The following ATG10 variants were observed in gnomAD, a reference collection of about 807,000 sequenced individuals.
The protein encoded by ATG10 is ubiquitin-like-conjugating enzyme ATG10.
Under a neutral mutation model 32.1 loss-of-function variants are expected in ATG10, and 30 were observed. The ratio of observed to expected loss-of-function variants is 0.94; its 90% CI spans 0.70 to 1.27. The LOEUF is 1.27. Ranked by LOEUF, ATG10 falls within the 50% of genes most tolerant of loss-of-function variation. ATG10 has a pLI of 0.00. For missense variants in ATG10, 233 were observed against 262.3 expected, an observed-to-expected ratio of 0.89 and a Z score of 0.77; for synonymous variants, 87 against 91.5, an observed-to-expected ratio of 0.95 and a Z score of 0.28.
At chr5:82,184,220 A>G (rs781589576) in intron 5 of ATG10, among the ~76,000 whole-genome samples, 3 of 151,248 alleles carry the variant, frequency 2.0e-5, no homozygotes, top group Non-Finnish European at 3.0e-5. Context: ...TCTTAGTTTG[A>G]TTTTCCATTA....
intron 5 of ATG10, among the ~76,000 whole-genome samples, chr5:82,185,402 C>T (rs927883983): frequency 2.6e-5 from 4 of 152,128 alleles, no homozygotes; most frequent in African/African-American, 4.8e-5. Flanking sequence ...TGATTATTTT[C>T]CTCATTTCGT....
chr5:82,003,973 C>G (rs1761919833), intron 2 of ATG10, among the ~76,000 whole-genome samples: 2 of 152,106 alleles, frequency 1.3e-5, no homozygotes, highest in African/African-American at 4.8e-5. Context: ...AATCCCATCT[C>G]TACTCAAAAT....
intron 3 of ATG10, among the ~76,000 whole-genome samples, chr5:82,079,423 T>C (rs1764394250): frequency 6.6e-6 from 1 of 152,044 alleles, no homozygotes; most frequent in African/African-American, 2.4e-5. Context: ...ACATGCAGGT[T>C]TGTTACATAT....
chr5:82,007,417 C>T (rs1164757359), intron 2 of ATG10, among the ~76,000 whole-genome samples: 1 of 152,156 alleles, frequency 6.6e-6, no homozygotes, highest in Non-Finnish European at 1.5e-5. Flanking sequence ...ATATTTCTAT[C>T]AGAATATAAT....
chr5:82,178,731 TA>T (rs202186875), intron 5 of ATG10, 144 bp downstream of exon 5: 172 of 531,980 alleles, frequency 3.2e-4, no homozygotes, highest in South Asian at 4.2e-4. Context: ...ACAGTTTCCT[TA>T]AAAAAAAACC....
chr5:82,039,829 A>G (rs1456635481), intron 2 of ATG10, among the ~76,000 whole-genome samples: 1 of 152,152 alleles, frequency 6.6e-6, no homozygotes, highest in Admixed American at 6.5e-5. Flanking sequence ...TTTTTTGGTC[A>G]GGACTTCAGC....
At chr5:81,998,445 A>C (rs1761732390) in intron 2 of ATG10, among the ~76,000 whole-genome samples, 3 of 152,244 alleles carry the variant, frequency 2.0e-5, no homozygotes, top group Admixed American at 1.3e-4. Context: ...ACTTAAGTAC[A>C]TAGACCAGTG....
intron 2 of ATG10, among the ~76,000 whole-genome samples, chr5:82,016,948 C>T (rs559644418): frequency 6.6e-6 from 1 of 152,250 alleles, no homozygotes; most frequent in South Asian, 2.1e-4. Flanking sequence ...CCTTAGCCTC[C>T]CACAGTGCCT....
chr5:82,228,536 A>G (rs1196570565), intron 5 of ATG10, among the ~76,000 whole-genome samples: 1 of 152,190 alleles, frequency 6.6e-6, no homozygotes, highest in African/African-American at 2.4e-5. Flanking sequence ...GAGGAGCACA[A>G]TAGAGATATG....
At chr5:82,099,938 A>G (rs1374094065) in intron 3 of ATG10, among the ~76,000 whole-genome samples, 1 of 143,766 alleles carries the variant, frequency 7.0e-6, no homozygotes, top group Non-Finnish European at 1.6e-5. Context: ...TCAATGTACT[A>G]ATAGATTTTT....
chr5:82,249,845 G>A (rs1222547612), intron 5 of ATG10, among the ~76,000 whole-genome samples: 1 of 152,176 alleles, frequency 6.6e-6, no homozygotes, highest in Non-Finnish European at 1.5e-5. Flanking sequence ...ATGGTCCTAA[G>A]ACTCCTCTAA....
chr5:82,226,076 A>C (rs1419003375), intron 5 of ATG10, among the ~76,000 whole-genome samples: 1 of 152,028 alleles, frequency 6.6e-6, no homozygotes, highest in East Asian at 1.9e-4. Flanking sequence ...CCCCAAATTC[A>C]CATTTCTTTA....
intron 3 of ATG10, among the ~76,000 whole-genome samples, chr5:82,109,287 A>G (rs1009490864): frequency 6.6e-6 from 1 of 152,030 alleles, no homozygotes; most frequent in East Asian, 1.9e-4. Context: ...AGGGGACAGT[A>G]TGGGAACTGA....
At chr5:82,050,229 A>G (rs1027003011) in intron 2 of ATG10, among the ~76,000 whole-genome samples, 2 of 151,912 alleles carry the variant, frequency 1.3e-5, no homozygotes, top group Non-Finnish European at 2.9e-5. Flanking sequence ...GATGATTTTA[A>G]TTTGCTTAAT....
chr5:82,211,176 G>T (rs75822503), intron 5 of ATG10, among the ~76,000 whole-genome samples: 9 of 152,152 alleles, frequency 5.9e-5, no homozygotes, highest in Non-Finnish European at 1.2e-4. Context: ...CATAGTGCAT[G>T]ATGGGATTCT....
intron 5 of ATG10, among the ~76,000 whole-genome samples, chr5:82,197,708 T>TTCTTTCTG (rs1345446847): frequency 2.1e-5 from 3 of 143,838 alleles, no homozygotes; most frequent in African/African-American, 7.9e-5. Context: ...ATTATTTTCT[T>TTCTTTCTG]TCTTTCTTTC....
At chr5:81,983,128 G>A (rs1438870439) in intron 1 of ATG10, among the ~76,000 whole-genome samples, 1 of 151,908 alleles carries the variant, frequency 6.6e-6, no homozygotes, top group East Asian at 2.0e-4. Flanking sequence ...CAGTAGGGGC[G>A]GCCGGACAGA....
chr5:82,241,685 T>TC, intron 5 of ATG10, among the ~76,000 whole-genome samples: 1 of 152,220 alleles, frequency 6.6e-6, no homozygotes, highest in South Asian at 2.1e-4. Context: ...CCTCTCTTGG[T>TC]CAGGGGTCTG....
chr5:81,977,035 C>T (rs1760893173), intron 1 of ATG10, among the ~76,000 whole-genome samples: 1 of 152,110 alleles, frequency 6.6e-6, no homozygotes, highest in African/African-American at 2.4e-5. Flanking sequence ...ACCACTATGC[C>T]AGGCTAATTT....
Sources: allele counts gnomAD v4.1 joint callset (sites outside exome capture counted in the v4.1 genomes callset), GRCh38; gene constraint gnomAD v4.1.1; transcripts MANE v1.5; gene names NCBI Gene and HGNC (gene_info 2026-07-23, HGNC 2026-07-21).